The following SHROOM3 variants were observed in gnomAD, a reference collection of about 807,000 sequenced individuals.
SHROOM3 encodes protein Shroom3.
SHROOM3 carries 47 observed loss-of-function variants against 138.6 expected under a neutral mutation model. The ratio of observed to expected loss-of-function variants is 0.34; its 90% confidence interval spans 0.27 to 0.43. The LOEUF (loss-of-function observed/expected upper bound fraction) is 0.43. SHROOM3 is among the 20% of genes least tolerant of loss of function. SHROOM3 has a pLI of 1.00. For missense variants in SHROOM3, 2,491 were observed against 2,596.5 expected (o/e 0.96, Z 0.88); for synonymous variants, 1,062 against 1,063.3 (o/e 1.00, Z 0.02).
At chr4:76,468,157 T>C (rs752790430) in intron 1 of SHROOM3, among the ~76,000 whole-genome samples, 14 of 152,366 alleles carry the variant, frequency 9.2e-5, no homozygotes, top group East Asian at 3.9e-4. Context: ...AACTAATTTT[T>C]GCCTATCCTC....
rs549033378 is a variant in SHROOM3, at chr4:76,741,413, G to A, written c.3240G>A (p.Gln1080=). 1 of 1,599,096 alleles carries A rather than the reference G, an allele frequency of 6.3e-7. No homozygotes were observed. Among genetic ancestry groups the A allele is most frequent in the Admixed American group, 1.7e-5 (1 of 58,324 alleles). The part of the protein sequence containing the change: ...TLSLSGPELK[Q]FQQSALADYI... ...GCCTGTCGGGGCCCGAGCTGAAGCA[G>A]TTCCAGCAGAGCGCCCTGGCGGACT... The change falls in exon 5 of 11, where the codon CAG becomes CAA. Residue 1080 remains glutamine (Q), a synonymous_variant. Coordinates refer to ENST00000296043, the MANE Select transcript of SHROOM3 (RefSeq NM_020859.4). The surrounding 1 kb of genome is among the most constrained non-coding windows in gnomAD (Gnocchi z 6.2).
In SHROOM3 at chr4:76,561,299, G is replaced by A. The variant is rs1368172334; in HGVS notation, c.323+5536G>A. Among the ~76,000 whole-genome samples the A allele has an allele frequency of 4.6e-5, 7 of 152,296 alleles. No individual in the cohort carries two copies. The South Asian group carries it at 1.4e-3, about 32-fold the overall frequency. ...AGTAGTACTAGTAGTAGTAGTATCA[G>A]TGGTAGATCACATTTTGCTGGGAAA... On this transcript the variant is annotated intron_variant, in intron 2 of 10. Coordinates refer to ENST00000296043, the MANE Select transcript of SHROOM3 (RefSeq NM_020859.4).
chr4:76,630,932 T>C (rs1735297832), intron 2 of SHROOM3, among the ~76,000 whole-genome samples: 1 of 152,238 alleles, frequency 6.6e-6, no homozygotes, highest in South Asian at 2.1e-4. Flanking sequence ...TGTAAACTGC[T>C]GTTCCACTTA....
chr4:76,709,226 C>T (rs879719293), intron 2 of SHROOM3, among the ~76,000 whole-genome samples: 7 of 152,192 alleles, frequency 4.6e-5, no homozygotes, highest in African/African-American at 1.2e-4. Flanking sequence ...AGAGGAGGCA[C>T]GGCCTCATTT....
rs72870038 is a variant in SHROOM3, at chr4:76,667,084, G to A, written c.324-43072G>A. Reference sequence around the variant, plus strand: ...GCAGGGGCTGGGGAATGGGAGGATTGGACAATTATTGTTCAGTGTGTACAA... The same window carrying A: ...GCAGGGGCTGGGGAATGGGAGGATTAGACAATTATTGTTCAGTGTGTACAA... On this transcript the variant is annotated intron_variant, in intron 2 of 10. Coordinates refer to ENST00000296043, the MANE Select transcript of SHROOM3 (RefSeq NM_020859.4). Among the ~76,000 whole-genome samples, 782 of 152,230 alleles carry A rather than the reference G, an allele frequency of 5.1e-3. 3 individuals carry two copies. Among genetic ancestry groups the A allele is most frequent in the African/African-American group, 0.018 (737 of 41,518 alleles).
intron 1 of SHROOM3, among the ~76,000 whole-genome samples, chr4:76,502,664 C>A (rs927969408): frequency 6.6e-6 from 1 of 152,184 alleles, no homozygotes; most frequent in Non-Finnish European, 1.5e-5. Context: ...TTGGTTTTAC[C>A]TATATCCTTA....
chr4:76,690,932 AT>A (rs570820735), intron 2 of SHROOM3, among the ~76,000 whole-genome samples: 1 of 152,234 alleles, frequency 6.6e-6, no homozygotes, highest in Non-Finnish European at 1.5e-5. Flanking sequence ...ACTTAAAAAA[AT>A]GTTATAACCA....
intron 1 of SHROOM3, among the ~76,000 whole-genome samples, chr4:76,537,887 A>G (rs1733014417): frequency 6.6e-6 from 1 of 152,114 alleles, no homozygotes; most frequent in South Asian, 2.1e-4. Context: ...GAATATACTA[A>G]AAACCATTTA....
At position 76,691,379 on chromosome 4, in the gene SHROOM3, T is replaced by TTGACCTGGGACCAGGTCCTCTG. The variant is rs1719533003; in HGVS notation, c.324-18763_324-18742dup. 3.3e-5 allele frequency among the ~76,000 whole-genome samples: 5 copies of TTGACCTGGGACCAGGTCCTCTG among 152,256 alleles called. No individual in the cohort carries two copies. The South Asian group carries it at 1.0e-3, about 32-fold the overall frequency. ...AAAATTTGTTTAGAATTCCTCAATT[T>TTGACCTGGGACCAGGTCCTCTG]TGACCTGGGACCAGGTCCTCTGTGA... On this transcript the variant is annotated intron_variant, in intron 2 of 10. Transcript: ENST00000296043.
chr4:76,448,185 T>C (rs1413194995), intron 1 of SHROOM3, among the ~76,000 whole-genome samples: 1 of 151,912 alleles, frequency 6.6e-6, no homozygotes, highest in Non-Finnish European at 1.5e-5. Flanking sequence ...AGGAAAGAGG[T>C]TTTTCATAAA....
At chr4:76,549,399 C>T (rs896068385) in intron 1 of SHROOM3, among the ~76,000 whole-genome samples, 3 of 151,536 alleles carry the variant, frequency 2.0e-5, no homozygotes, top group Non-Finnish European at 2.9e-5. Flanking sequence ...GATGGCGTCT[C>T]GCTCTGTTGC....
chr4:76,586,429 A>G, intron 2 of SHROOM3: 10 of 985,454 alleles, frequency 1.0e-5, no homozygotes, highest in Non-Finnish European at 1.2e-5. Flanking sequence ...CCAACAGATA[A>G]CTGAGGACAA....
intron 1 of SHROOM3, among the ~76,000 whole-genome samples, chr4:76,506,576 T>C (rs984902422): frequency 1.8e-4 from 28 of 152,088 alleles, no homozygotes; most frequent in African/African-American, 6.8e-4. Flanking sequence ...TAATGTTATC[T>C]GTGTTTAGTA....
intron 1 of SHROOM3, among the ~76,000 whole-genome samples, chr4:76,479,857 A>G (rs1284921075): frequency 6.6e-6 from 1 of 152,182 alleles, no homozygotes; most frequent in Non-Finnish European, 1.5e-5. Flanking sequence ...TCAACCCAGA[A>G]TTTCATATCC....
chr4:76,515,838 G>C (rs17002042), intron 1 of SHROOM3, among the ~76,000 whole-genome samples: 4,428 of 152,258 alleles, frequency 0.029, 103 homozygotes, highest in Admixed American at 0.054. Flanking sequence ...AGCTAGGACA[G>C]ACTTATCAGT....
intron 2 of SHROOM3, among the ~76,000 whole-genome samples, chr4:76,627,464 A>T (rs1735179303): frequency 6.6e-6 from 1 of 152,116 alleles, no homozygotes; most frequent in Non-Finnish European, 1.5e-5. Context: ...CTAGGTAGAG[A>T]TTCTACCCAA....
intron 2 of SHROOM3, among the ~76,000 whole-genome samples, chr4:76,644,673 T>C (rs1307121458): frequency 6.6e-6 from 1 of 152,100 alleles, no homozygotes; most frequent in African/African-American, 2.4e-5. Context: ...AATAATCAAA[T>C]CAGGGTAATT....
At chr4:76,609,986 G>A (rs751643398) in intron 2 of SHROOM3, among the ~76,000 whole-genome samples, 92 of 152,150 alleles carry the variant, frequency 6.0e-4, no homozygotes, top group Non-Finnish European at 1.1e-3. Flanking sequence ...AGGACAAGGA[G>A]AGAATGACTT....
chr4:76,706,339 G>A (rs369383855), intron 2 of SHROOM3, among the ~76,000 whole-genome samples: 3 of 152,112 alleles, frequency 2.0e-5, no homozygotes, highest in East Asian at 1.9e-4. Flanking sequence ...GGTCTCGATC[G>A]CTTGACCTCA....
Sources: gnomAD v4.1 joint callset for allele counts (sites outside exome capture counted in the v4.1 genomes callset) on GRCh38, gnomAD v4.1.1 for gene constraint, Gnocchi (gnomAD v3.1) non-coding constraint, MANE v1.5 for transcripts, NCBI Gene and HGNC (gene_info 2026-07-23, HGNC 2026-07-21) for gene names.